CYP7B1: variants seen among roughly 807,000 people sequenced by gnomAD.
CYP7B1 encodes the protein cytochrome P450 7B1.
In CYP7B1, 29 loss-of-function variants were observed where a neutral mutation model predicts 42.7. The ratio of observed to expected loss-of-function variants is 0.68; its 90% CI spans 0.51 to 0.93. CYP7B1 has a LOEUF of 0.93. CYP7B1 is among the 40% of genes least tolerant of loss of function. CYP7B1 has a pLI of 0.00. For synonymous variants in CYP7B1, 235 were observed against 218.2 expected (o/e 1.08, Z -0.68); for missense variants, 655 against 600.5 (o/e 1.09, Z -0.95).
intron 1 of CYP7B1, among the ~76,000 whole-genome samples, chr8:64,792,785 A>G (rs1033253701): frequency 1.3e-5 from 2 of 152,188 alleles, no homozygotes; most frequent in South Asian, 4.1e-4. Flanking sequence ...GAACTCTTAA[A>G]CAGATGAGAT....
At chr8:64,743,765 T>C (rs1431975611) in intron 1 of CYP7B1, among the ~76,000 whole-genome samples, 1 of 152,216 alleles carries the variant, frequency 6.6e-6, no homozygotes, top group Non-Finnish European at 1.5e-5. Context: ...TACTCATATT[T>C]GGGGCTCAAT....
intron 1 of CYP7B1, among the ~76,000 whole-genome samples, chr8:64,686,650 G>T (rs1344630935): frequency 1.7e-5 from 1 of 57,798 alleles, no homozygotes. Context: ...CATTGAGAAC[G>T]GGCCAGGATG....
intron 1 of CYP7B1, among the ~76,000 whole-genome samples, chr8:64,747,049 A>T (rs1807653387): frequency 6.6e-6 from 1 of 151,268 alleles, no homozygotes; most frequent in Admixed American, 6.6e-5. Context: ...TATGAATTTG[A>T]ATTGATAAAT....
chr8:64,735,941 T>G (rs1807481035), intron 1 of CYP7B1, among the ~76,000 whole-genome samples: 1 of 152,162 alleles, frequency 6.6e-6, no homozygotes, highest in Non-Finnish European at 1.5e-5. Flanking sequence ...AAAGAAGAAA[T>G]TTTTAAAGGC....
chr8:64,614,985 G>C (rs370051597), intron 4 of CYP7B1, 41 bp downstream of exon 4: 1 of 1,603,674 alleles, frequency 6.2e-7, no homozygotes, highest in Non-Finnish European at 8.5e-7. Context: ...AGTTTGCAGA[G>C]AGGTACCTTC....
chr8:64,635,139 T>G (rs1393581854), intron 1 of CYP7B1, among the ~76,000 whole-genome samples: 2 of 152,224 alleles, frequency 1.3e-5, no homozygotes, highest in East Asian at 3.8e-4. Context: ...AATTTTCCCC[T>G]TGTTGAGTAA....
intron 1 of CYP7B1, among the ~76,000 whole-genome samples, chr8:64,717,193 C>CT (rs1052370957): frequency 4.0e-5 from 6 of 151,782 alleles, no homozygotes; most frequent in African/African-American, 9.7e-5. Context: ...TTCTTTTACT[C>CT]TTTTTTTTAT....
intron 1 of CYP7B1, among the ~76,000 whole-genome samples, chr8:64,648,456 A>G (rs1805987600): frequency 1.3e-5 from 2 of 152,220 alleles, no homozygotes; most frequent in Non-Finnish European, 1.5e-5. Context: ...ATGAAAATGC[A>G]GTTTCCACAA....
intron 1 of CYP7B1, 126 bp from the exon 2 acceptor site, chr8:64,624,665 C>T (rs1366779138): frequency 9.3e-7 from 1 of 1,074,284 alleles, no homozygotes; most frequent in South Asian, 1.4e-5. Flanking sequence ...TTTCTATTCT[C>T]TTACTCAGTG....
intron 1 of CYP7B1, among the ~76,000 whole-genome samples, chr8:64,761,371 G>A (rs534603185): frequency 7.2e-4 from 110 of 152,078 alleles, no homozygotes; most frequent in South Asian, 2.3e-3. Flanking sequence ...GTGAACTGAT[G>A]TATATGTTAA....
intron 5 of CYP7B1, among the ~76,000 whole-genome samples, chr8:64,603,874 G>T (rs1805236905): frequency 6.6e-6 from 1 of 152,198 alleles, no homozygotes; most frequent in South Asian, 2.1e-4. Flanking sequence ...TAGATTTAGA[G>T]GTGGTCCAGC....
At chr8:64,639,261 C>T (rs968983751) in intron 1 of CYP7B1, among the ~76,000 whole-genome samples, 9 of 151,926 alleles carry the variant, frequency 5.9e-5, no homozygotes, top group Non-Finnish European at 7.4e-5. Flanking sequence ...TCTTGTCCAA[C>T]GTTAAAAATT....
intron 1 of CYP7B1, among the ~76,000 whole-genome samples, chr8:64,790,279 C>T (rs1484625376): frequency 6.6e-6 from 1 of 152,170 alleles, no homozygotes; most frequent in Non-Finnish European, 1.5e-5. Flanking sequence ...GTGTTCTTTC[C>T]TTATCATTAT....
At chr8:64,586,600 T>G (rs1475124561), downstream of CYP7B1, among the ~76,000 whole-genome samples, 1 of 152,214 alleles carries the variant, frequency 6.6e-6, no homozygotes, top group Non-Finnish European at 1.5e-5. Flanking sequence ...TAGTCAAACC[T>G]TTAATGAAAA....
At chr8:64,741,225 A>C (rs1476728471) in intron 1 of CYP7B1, among the ~76,000 whole-genome samples, 1 of 152,220 alleles carries the variant, frequency 6.6e-6, no homozygotes, top group Non-Finnish European at 1.5e-5. Flanking sequence ...AGAAAATAAA[A>C]TAAAAGGTGT....
Position 64,595,434 on chromosome 8 carries a change from T to A in CYP7B1, c.*1208A>T, listed in dbSNP as rs1027408206. On this transcript the variant is annotated 3_prime_UTR_variant, in exon 6 of 6. Coordinates refer to ENST00000310193, the MANE Select transcript of CYP7B1 (RefSeq NM_004820.5). ...ACTGGACTTTATTACCTGCCTTGCC[T>A]GCTTATATATTGCATCATCATTTAT... Among the ~76,000 whole-genome samples the A allele has an allele frequency of 6.6e-6, 1 of 152,222 alleles. No individual in the cohort carries two copies. The highest frequency in any genetic ancestry group is 2.4e-5 in the African/African-American group (1 of 41,458).
At chr8:64,751,401 G>A (rs1807723142) in intron 1 of CYP7B1, among the ~76,000 whole-genome samples, 1 of 151,950 alleles carries the variant, frequency 6.6e-6, no homozygotes, top group South Asian at 2.1e-4. Flanking sequence ...ACTCCTATAC[G>A]ATGTATTTTT....
At chr8:64,607,796 A>G (rs1289961430) in intron 4 of CYP7B1, among the ~76,000 whole-genome samples, 1 of 152,242 alleles carries the variant, frequency 6.6e-6, no homozygotes, top group Non-Finnish European at 1.5e-5. Flanking sequence ...TATAAAACTT[A>G]TTGTGTATAA....
At chr8:64,743,462 T>A (rs1807598365) in intron 1 of CYP7B1, among the ~76,000 whole-genome samples, 1 of 152,178 alleles carries the variant, frequency 6.6e-6, no homozygotes, top group African/African-American at 2.4e-5. Context: ...AAGAAAAATT[T>A]ATTTTCTCGC....
Sources: allele counts gnomAD v4.1 joint callset (sites outside exome capture counted in the v4.1 genomes callset), GRCh38; gene constraint gnomAD v4.1.1; transcripts MANE v1.5; gene names NCBI Gene and HGNC (gene_info 2026-07-23, HGNC 2026-07-21).